Variants in LPIN1 observed in about 807,000 individuals in gnomAD.
LPIN1 encodes the protein phosphatidate phosphatase LPIN1.
LPIN1 carries 71 observed loss-of-function variants against 107.5 expected under a neutral mutation model. The observed-to-expected ratio is 0.66, with a 90% CI of 0.55 to 0.80. The LOEUF is 0.80. LPIN1 is among the 30% of genes least tolerant of loss of function. LPIN1 has a pLI of 0.00. For missense variants in LPIN1, 1,043 were observed against 1,160.6 expected, an observed-to-expected ratio of 0.90 and a Z score of 1.47; for synonymous variants, 445 against 452.6, an observed-to-expected ratio of 0.98 and a Z score of 0.21.
rs541570396 is a variant in LPIN1 at position 11,812,351 on chromosome 2, C to T, written c.2250-2737C>T. ...GATACAGTCGAATGAAGGACTATAA[C>T]GTCATATTAGTGATCAGTGCTAGGA... is the stretch of plus-strand genomic sequence containing the variant. On this transcript the variant is annotated intron_variant, in intron 17 of 20. Coordinates refer to ENST00000674199, the MANE Select transcript of LPIN1 (RefSeq NM_001349206.2). Among the ~76,000 whole-genome samples the T allele has an allele frequency of 3.9e-5, 6 of 152,004 alleles. 1 individual carries two copies. The highest frequency in any genetic ancestry group is 2.6e-4 in the Admixed American group (4 of 15,270).
chr2:11,725,649 G>A lies in LPIN1; in HGVS notation c.-72+1110G>A, dbSNP rs572521698. Among the ~76,000 whole-genome samples the A allele has an allele frequency of 3.9e-5, 6 of 152,296 alleles. No individual in the cohort carries two copies. The East Asian group carries it at 5.8e-4, about 15-fold the overall frequency. ...CAGCAAACACACATTTATAGGAAGC[G>A]CAATTCCATTGGGATTTTAAAGTCA... On this transcript the variant is annotated intron_variant, in intron 1 of 21. Transcript: ENST00000396097.
upstream of LPIN1, chr2:11,677,557 C>A: frequency 1.0e-6 from 1 of 969,978 alleles, no homozygotes. Flanking sequence ...GTCACCCAGC[C>A]CAGCCTCCCA....
intron 1 of LPIN1, among the ~76,000 whole-genome samples, chr2:11,762,254 C>T (rs977709261): frequency 2.0e-5 from 3 of 152,102 alleles, no homozygotes; most frequent in Non-Finnish European, 2.9e-5. Flanking sequence ...GGTGGTGCTT[C>T]CATGCCCTCT....
intron 1 of LPIN1, among the ~76,000 whole-genome samples, chr2:11,712,587 C>A (rs1330817119): frequency 6.6e-6 from 1 of 152,178 alleles, no homozygotes; most frequent in African/African-American, 2.4e-5. Context: ...TAAAGCAACA[C>A]CATTAACTAA....
At chr2:11,779,949 T>C (rs1447385005) in intron 7 of LPIN1, among the ~76,000 whole-genome samples, 1 of 152,086 alleles carries the variant, frequency 6.6e-6, no homozygotes, top group African/African-American at 2.4e-5. Context: ...GGCTCTATCT[T>C]GGCTCACTGC....
intron 8 of LPIN1, among the ~76,000 whole-genome samples, chr2:11,783,235 T>C (rs1673870381): frequency 6.6e-6 from 1 of 152,214 alleles, no homozygotes; most frequent in African/African-American, 2.4e-5. Context: ...CAATGCACAG[T>C]GTGGGATGCT....
At chr2:11,689,956 G>A (rs1036440432) in intron 1 of LPIN1, among the ~76,000 whole-genome samples, 1 of 152,198 alleles carries the variant, frequency 6.6e-6, no homozygotes, top group Non-Finnish European at 1.5e-5. Context: ...GTCTAACACA[G>A]TTTGAATTTA....
upstream of LPIN1, among the ~76,000 whole-genome samples, chr2:11,723,291 T>C (rs982114758): frequency 2.6e-5 from 4 of 152,200 alleles, no homozygotes; most frequent in African/African-American, 9.6e-5. Context: ...GATTTGGTAC[T>C]AGGCATAGTG....
At chr2:11,810,796 C>T (rs1679515002) in intron 17 of LPIN1, among the ~76,000 whole-genome samples, 1 of 152,216 alleles carries the variant, frequency 6.6e-6, no homozygotes, top group Non-Finnish European at 1.5e-5. Context: ...TCTCAGATGT[C>T]AGTGTTGAGA....
intron 1 of LPIN1, among the ~76,000 whole-genome samples, chr2:11,702,014 A>T (rs916165183): frequency 2.6e-5 from 4 of 152,146 alleles, no homozygotes; most frequent in Non-Finnish European, 5.9e-5. Flanking sequence ...GTCGGATGCC[A>T]AGTGTCTTAA....
intron 17 of LPIN1, among the ~76,000 whole-genome samples, chr2:11,806,524 A>T (rs1447832689): frequency 6.6e-6 from 1 of 152,120 alleles, no homozygotes; most frequent in Non-Finnish European, 1.5e-5. Context: ...TGAACCCAGG[A>T]GTTCGAATCC....
At chr2:11,737,594 T>G (rs1194770372) in intron 1 of LPIN1, among the ~76,000 whole-genome samples, 3 of 152,188 alleles carry the variant, frequency 2.0e-5, no homozygotes, top group Non-Finnish European at 4.4e-5. Flanking sequence ...CAGACAGTTC[T>G]CAAAAGAAGA....
chr2:11,746,785 G>C (rs954096223), intron 1 of LPIN1, 114 bp downstream of exon 1: 2 of 418,834 alleles, frequency 4.8e-6, no homozygotes, highest in African/African-American at 2.2e-5. Flanking sequence ...GCGGGGGCTC[G>C]GCCCCGGGGC....
At chr2:11,713,200 G>T (rs538525431) in intron 1 of LPIN1, among the ~76,000 whole-genome samples, 11 of 152,312 alleles carry the variant, frequency 7.2e-5, no homozygotes, top group Admixed American at 2.6e-4. Context: ...GAGACAGGGA[G>T]TTTCCAACCT....
At chr2:11,693,733 A>ACATTAGAT (rs1373938330) in intron 1 of LPIN1, among the ~76,000 whole-genome samples, 1 of 140,406 alleles carries the variant, frequency 7.1e-6, no homozygotes, top group Non-Finnish European at 1.5e-5. Context: ...TCTGACTCCC[A>ACATTAGAT]CATTAGATTG....
At chr2:11,733,651 C>T (rs1665498701) in intron 1 of LPIN1, among the ~76,000 whole-genome samples, 1 of 152,142 alleles carries the variant, frequency 6.6e-6, no homozygotes, top group African/African-American at 2.4e-5. Context: ...ACAACGACGC[C>T]TGGATAATTT....
chr2:11,765,718 C>T lies in LPIN1; in HGVS notation c.177C>T (p.Arg59=), dbSNP rs375376891. The T allele has an allele frequency of 6.2e-7, 1 of 1,611,006 alleles. No individual in the cohort carries two copies. The highest frequency in any genetic ancestry group is 1.3e-5 in the African/African-American group (1 of 75,002). Residue 59 remains arginine (R), a synonymous_variant, in exon 2 of 21, where the codon CGC becomes CGT. Transcript: ENST00000674199. This position sits in a 1 kb window ranked among gnomAD's most constrained non-coding sequence, Gnocchi z 4.4. The part of the protein sequence containing the change: ...HVRFGKMGVL[R]SREKVVDIEI... ...GCTTTGGGAAGATGGGGGTCCTGCGCTCCCGAGAGAAAGTGGTGAGCTCTC... is the reference window on the plus strand; with the variant it reads ...GCTTTGGGAAGATGGGGGTCCTGCGTTCCCGAGAGAAAGTGGTGAGCTCTC...
chr2:11,677,663 G>A (rs377563304), exon 1 of LPIN1: 10 of 1,535,696 alleles, frequency 6.5e-6, no homozygotes, highest in East Asian at 4.9e-5. Context: ...GGAACAGGAC[G>A]GCATTCGCAG....
At chr2:11,779,728 A>C in intron 7 of LPIN1, 83 bp downstream of exon 7, 2 of 1,576,826 alleles carry the variant, frequency 1.3e-6, no homozygotes, top group Non-Finnish European at 8.7e-7. Context: ...TAGCATAGCC[A>C]AGAAACACAG....
Sources: gnomAD v4.1 joint callset for allele counts (sites outside exome capture counted in the v4.1 genomes callset) on GRCh38, gnomAD v4.1.1 for gene constraint, Gnocchi (gnomAD v3.1) non-coding constraint, MANE v1.5 for transcripts, NCBI Gene and HGNC (gene_info 2026-07-23, HGNC 2026-07-21) for gene names.